BRCC3: variants seen among roughly 807,000 people sequenced by gnomAD.
BRCC3 encodes the protein BRCA1/BRCA2-containing complex subunit 3.
In BRCC3, 15 loss-of-function variants were observed where a neutral mutation model predicts 28.0. The observed-to-expected ratio is 0.54, with a 90% CI of 0.36 to 0.82. The LOEUF (loss-of-function observed/expected upper bound fraction) is 0.82. Among genes scored for constraint, BRCC3 ranks in the 40% least tolerant of loss-of-function variants. BRCC3 has a pLI of 0.01. For synonymous variants in BRCC3, 66 were observed against 80.3 expected (o/e 0.82, Z 0.95); for missense variants, 109 against 225.9 (o/e 0.48, Z 3.32).
At chrX:155,075,956 C>G (rs148636436) in intron 3 of BRCC3, among the ~76,000 whole-genome samples, 1 of 112,146 alleles carries the variant, frequency 8.9e-6, no homozygotes, top group Admixed American at 9.4e-5. Flanking sequence ...CTGTTCCCCC[C>G]ACTTCCCACA....
intron 7 of BRCC3, among the ~76,000 whole-genome samples, chrX:155,102,503 C>T (rs1360833779): frequency 1.8e-5 from 2 of 111,702 alleles, no homozygotes; most frequent in Non-Finnish European, 3.8e-5. Context: ...TATCTACAGG[C>T]GATTATGTCA....
At chrX:155,075,396 T>C (rs1557293458) in intron 3 of BRCC3, among the ~76,000 whole-genome samples, 1 of 112,052 alleles carries the variant, frequency 8.9e-6, no homozygotes, top group African/African-American at 3.3e-5. Context: ...CACTCATAAA[T>C]GCTTTATTGA....
chrX:155,076,645 G>A (rs974601621), intron 3 of BRCC3, among the ~76,000 whole-genome samples: 7 of 110,915 alleles, frequency 6.3e-5, no homozygotes, highest in African/African-American at 2.3e-4. Context: ...AACAGCGTAG[G>A]GGAAATCCAC....
At chrX:155,099,113 T>C (rs984198524) in intron 7 of BRCC3, among the ~76,000 whole-genome samples, 3 of 110,766 alleles carry the variant, frequency 2.7e-5, no homozygotes, top group Non-Finnish European at 3.8e-5. Context: ...ATAATATTAT[T>C]GTTCCCGTCA....
At chrX:155,074,457 C>G (rs1016886253) in intron 3 of BRCC3, among the ~76,000 whole-genome samples, 1 of 111,728 alleles carries the variant, frequency 9.0e-6, no homozygotes, top group African/African-American at 3.3e-5. Context: ...TCTCTAAACT[C>G]TCATGAGTTT....
chrX:155,093,751 G>GT (rs1287983216), intron 7 of BRCC3, among the ~76,000 whole-genome samples: 1 of 108,259 alleles, frequency 9.2e-6, no homozygotes, highest in Non-Finnish European at 1.9e-5. Context: ...ATTCCTCCCT[G>GT]TTTTTTTCCC....
At chrX:155,085,871 GGTTCCCCCAGGACTGCTTTGCCATGACA>G (rs2074122059) in intron 5 of BRCC3, among the ~76,000 whole-genome samples, 1 of 111,621 alleles carries the variant, frequency 9.0e-6, no homozygotes, top group African/African-American at 3.3e-5. Flanking sequence ...ATGGCTGCCT[GGTTCCCCCAGGACTGCTTTGCCATGACA>G]GCTACCTGAA....
At chrX:155,103,538 T>A (rs1238225500) in intron 7 of BRCC3, among the ~76,000 whole-genome samples, 8 of 112,652 alleles carry the variant, frequency 7.1e-5, no homozygotes, top group Non-Finnish European at 1.3e-4. Flanking sequence ...CTTTGTCTAC[T>A]CTACTTAATG....
At chrX:155,083,607 A>G (rs983637023) in intron 5 of BRCC3, among the ~76,000 whole-genome samples, 3 of 112,240 alleles carry the variant, frequency 2.7e-5, no homozygotes, top group Non-Finnish European at 5.6e-5. Context: ...AGTGTCTACC[A>G]TGTGTCAAAG....
intron 5 of BRCC3, among the ~76,000 whole-genome samples, chrX:155,084,725 C>T (rs2074109631): frequency 9.0e-6 from 1 of 111,679 alleles, no homozygotes; most frequent in Non-Finnish European, 1.9e-5. Context: ...AATTGCAGCA[C>T]TTTGGGAGGC....
intron 3 of BRCC3, among the ~76,000 whole-genome samples, chrX:155,075,345 A>AAGG (rs2074030070): frequency 1.8e-5 from 1 of 54,350 alleles, no homozygotes; most frequent in African/African-American, 3.8e-4. Flanking sequence ...CCCTTGATTC[A>AAGG]GGCCAAGACC....
intron 7 of BRCC3, 35 bp downstream of exon 7, chrX:155,090,874 G>A (rs367915427): frequency 1.4e-4 from 141 of 976,544 alleles, no homozygotes; most frequent in Non-Finnish European, 1.8e-4. Flanking sequence ...TGTATTGGAG[G>A]GCTAATCTCC....
chrX:155,114,820 G>T (rs1308703773), intron 7 of BRCC3, among the ~76,000 whole-genome samples: 4 of 111,223 alleles, frequency 3.6e-5, no homozygotes, highest in African/African-American at 1.3e-4. Flanking sequence ...CATGTAATTG[G>T]AGCACCAGAA....
intron 7 of BRCC3, among the ~76,000 whole-genome samples, chrX:155,100,981 C>A (rs1297492391): frequency 9.1e-6 from 1 of 110,491 alleles, no homozygotes; most frequent in Non-Finnish European, 1.9e-5. Flanking sequence ...GCAGCCTTGA[C>A]CTCCAAGGCT....
intron 5 of BRCC3, among the ~76,000 whole-genome samples, chrX:155,081,729 A>G (rs1557294205): frequency 8.9e-6 from 1 of 111,972 alleles, no homozygotes; most frequent in Non-Finnish European, 1.9e-5. Flanking sequence ...GCTTTTTATG[A>G]TAAGGTAATT....
intron 7 of BRCC3, among the ~76,000 whole-genome samples, chrX:155,110,425 C>A (rs868941159): frequency 9.0e-6 from 1 of 111,244 alleles, no homozygotes; most frequent in Middle Eastern, 4.2e-3. Flanking sequence ...TTAGTTTTGG[C>A]AAGTTGTGCT....
chrX:155,117,036 G>C (rs2124310440), intron 9 of BRCC3, among the ~76,000 whole-genome samples: 1 of 112,325 alleles, frequency 8.9e-6, no homozygotes, highest in African/African-American at 3.2e-5. Context: ...TTAACAACCA[G>C]ATCTCAAGGA....
At chrX:155,074,919 C>G (rs782513576) in intron 3 of BRCC3, among the ~76,000 whole-genome samples, 1 of 111,248 alleles carries the variant, frequency 9.0e-6, no homozygotes, top group South Asian at 3.7e-4. Context: ...AGTTGAAAAA[C>G]AAAACAAAAA....
chrX:155,118,266 C>T (rs1406763950), intron 9 of BRCC3, among the ~76,000 whole-genome samples: 4 of 110,504 alleles, frequency 3.6e-5, no homozygotes, highest in African/African-American at 1.3e-4. Context: ...GAAACATGAA[C>T]AAAAAGGACG....
Sources: gnomAD v4.1 joint callset for allele counts (sites outside exome capture counted in the v4.1 genomes callset) on GRCh38, gnomAD v4.1.1 for gene constraint, MANE v1.5 for transcripts, NCBI Gene and HGNC (gene_info 2026-07-23, HGNC 2026-07-21) for gene names.